CIT: variants seen among roughly 807,000 people sequenced by gnomAD.
The protein encoded by CIT is citron rho-interacting serine/threonine kinase, also known as citron Rho-interacting kinase.
CIT carries 79 observed loss-of-function variants against 272.7 expected under a neutral mutation model. The ratio of observed to expected loss-of-function variants is 0.29; its 90% CI spans 0.24 to 0.35. The LOEUF is 0.35. Ranked by LOEUF, CIT falls within the 10% of genes least tolerant of loss-of-function variation. CIT has a pLI of 1.00. For missense variants in CIT, 1,909 were observed against 2,618.3 expected, an observed-to-expected ratio of 0.73 and a Z score of 5.91; for synonymous variants, 948 against 995.6, an observed-to-expected ratio of 0.95 and a Z score of 0.90.
chr12:119,826,537 A>G (rs740032), intron 7 of CIT, among the ~76,000 whole-genome samples: 92,706 of 151,962 alleles, frequency 0.61, 28,985 homozygotes, highest in East Asian at 0.84. Flanking sequence ...CTAGTAAGCT[A>G]GCAACCCCTT....
At chr12:119,829,375 A>AGAAGAGAAGAGAAGAGAAGAGAAGG in intron 7 of CIT, among the ~76,000 whole-genome samples, 1 of 151,550 alleles carries the variant, frequency 6.6e-6, no homozygotes, top group Non-Finnish European at 1.5e-5. Flanking sequence ...AGAAGAGAAG[A>AGAAGAGAAGAGAAGAGAAGAGAAGG]GAAGAGAAGA....
At chr12:119,749,152 A>G (rs552165431) in intron 23 of CIT, among the ~76,000 whole-genome samples, 62 of 152,352 alleles carry the variant, frequency 4.1e-4, no homozygotes, top group African/African-American at 1.4e-3. Flanking sequence ...ACTGTGCTCC[A>G]TCTCATTTGG....
At chr12:119,724,127 T>C (rs2137163233) in intron 28 of CIT, among the ~76,000 whole-genome samples, 1 of 152,020 alleles carries the variant, frequency 6.6e-6, no homozygotes. Flanking sequence ...ACAAAAATAC[T>C]TGAAAAAATA....
intron 2 of CIT, among the ~76,000 whole-genome samples, chr12:119,873,102 GCCT>G: frequency 6.6e-6 from 1 of 151,752 alleles, no homozygotes; most frequent in Middle Eastern, 3.4e-3. Flanking sequence ...CTGGCCTGTT[GCCT>G]CCTATTTAAA....
chr12:119,804,586 TC>T lies in CIT; in HGVS notation c.1112-1198del. The T allele has an allele frequency of 7.3e-6, 5 of 687,058 alleles. No individual in the cohort carries two copies. The highest frequency in any genetic ancestry group is 9.0e-6 in the Non-Finnish European group (5 of 557,640). 42.6% of individuals were successfully genotyped at this position (687,058 alleles called of 1,614,324 possible). ...TTCACAGCCCAGACTTCTTTTTAAC[TC>T]CTCGTTTTCTGGACAAAGCTGGGTG... On this transcript the variant is annotated intron_variant, in intron 9 of 47. Transcript: ENST00000392521. The surrounding 1 kb of genome is among the most constrained non-coding windows in gnomAD (Gnocchi z 5.3).
intron 24 of CIT, 130 bp downstream of exon 24, chr12:119,742,281 T>C (rs766993269): frequency 4.4e-5 from 26 of 595,724 alleles, no homozygotes; most frequent in South Asian, 2.1e-4. Flanking sequence ...ATAAGGTTGA[T>C]TGCATTATCT....
intron 2 of CIT, among the ~76,000 whole-genome samples, chr12:119,870,308 T>C (rs1950630747): frequency 1.3e-5 from 2 of 152,186 alleles, no homozygotes; most frequent in East Asian, 1.9e-4. Context: ...CCCAGCACTT[T>C]GGGAGGCCAA....
chr12:119,703,662 G>A (rs570405268), intron 41 of CIT, among the ~76,000 whole-genome samples: 1 of 152,242 alleles, frequency 6.6e-6, no homozygotes, highest in South Asian at 2.1e-4. Flanking sequence ...CTGACCTCAA[G>A]TGATCCACCC....
At chr12:119,866,930 A>C (rs1183164889) in intron 3 of CIT, among the ~76,000 whole-genome samples, 1 of 152,224 alleles carries the variant, frequency 6.6e-6, no homozygotes, top group East Asian at 1.9e-4. Context: ...AATAGGCATC[A>C]CAGGCTGTAG....
chr12:119,752,419 T>G (rs564523205), intron 22 of CIT, among the ~76,000 whole-genome samples, 172 bp from the exon 23 acceptor site: 1 of 152,182 alleles, frequency 6.6e-6, no homozygotes, highest in African/African-American at 2.4e-5. Flanking sequence ...CTGAGTTCCA[T>G]GCATCTCTGA....
At chr12:119,870,549 CAAAA>C (rs57894300) in intron 2 of CIT, among the ~76,000 whole-genome samples, 1 of 52,410 alleles carries the variant, frequency 1.9e-5, no homozygotes, top group African/African-American at 6.7e-5. Context: ...GACTCCCTCT[CAAAA>C]AAAAAAAAAA....
rs1274621658 is a variant in CIT at position 119,804,725 on chromosome 12, G to A, written c.1112-1336C>T. On this transcript the variant is annotated intron_variant, in intron 9 of 47. Coordinates refer to ENST00000392521, the MANE Select transcript of CIT (RefSeq NM_001206999.2). The surrounding 1 kb of genome is among the most constrained non-coding windows in gnomAD (Gnocchi z 5.3). ...TCCAAGTGGCGCTGGGAAGTAATTG[G>A]AGCAGGAAAGGGATGTGGAGGGGAG... Among the ~76,000 whole-genome samples, 1 of 152,198 alleles carries A rather than the reference G, an allele frequency of 6.6e-6. No individual in the cohort carries two copies. The highest frequency in any genetic ancestry group is 1.5e-5 in the Non-Finnish European group (1 of 68,040).
At chr12:119,833,972 T>G (rs1406780135) in intron 6 of CIT, 114 bp downstream of exon 6, 1 of 1,125,776 alleles carries the variant, frequency 8.9e-7, no homozygotes, top group East Asian at 2.5e-5. Context: ...GGCTAAAAAC[T>G]GGATGGGGCG....
intron 37 of CIT, chr12:119,711,055 C>A: frequency 7.3e-7 from 1 of 1,367,236 alleles, no homozygotes; most frequent in South Asian, 1.1e-5. Context: ...TTACCTGAAC[C>A]CAGGCAGGCA....
rs1398623682 is a variant in CIT, at chr12:119,710,228, A to C, written c.5071+23T>G. The C allele has an allele frequency of 5.0e-6, 8 of 1,603,026 alleles. No individual in the cohort carries two copies. The highest frequency in any genetic ancestry group is 6.8e-6 in the Non-Finnish European group (8 of 1,176,776). Reference sequence around the variant, plus strand: ...TGGCTCCCTTGAAAGTAAAGAAAAAACACCATGTCCTTGGCCTCACACCTG... The same window carrying C: ...TGGCTCCCTTGAAAGTAAAGAAAAACCACCATGTCCTTGGCCTCACACCTG... On this transcript the variant is annotated intron_variant, in intron 39 of 47. Coordinates refer to ENST00000392521, the MANE Select transcript of CIT (RefSeq NM_001206999.2). This position sits in a 1 kb window ranked among gnomAD's most constrained non-coding sequence, Gnocchi z 5.6.
At chr12:119,846,239 A>T (rs946076250) in intron 5 of CIT, among the ~76,000 whole-genome samples, 7 of 152,332 alleles carry the variant, frequency 4.6e-5, no homozygotes, top group African/African-American at 1.7e-4. Context: ...GCTACTGAGC[A>T]GTAGCCTGCC....
chr12:119,792,703 A>G (rs2707735), intron 10 of CIT, among the ~76,000 whole-genome samples: 151,026 of 152,268 alleles, frequency 0.99, 74,911 homozygotes, highest in Middle Eastern at 1. Flanking sequence ...TCGGTCTCCC[A>G]ACCTCATGAT....
intron 23 of CIT, among the ~76,000 whole-genome samples, chr12:119,748,717 T>C (rs142943961): frequency 3.3e-4 from 50 of 152,370 alleles, no homozygotes; most frequent in African/African-American, 1.2e-3. Flanking sequence ...GAAGGATTCC[T>C]TTCATTAGTG....
At chr12:119,787,497 C>T (rs535320301) in intron 10 of CIT, among the ~76,000 whole-genome samples, 49 of 151,280 alleles carry the variant, frequency 3.2e-4, no homozygotes, top group African/African-American at 9.5e-4. Context: ...TTTGGGGGGC[C>T]GAGGCAAGCG....
Sources: gnomAD v4.1 joint callset for allele counts (sites outside exome capture counted in the v4.1 genomes callset) on GRCh38, gnomAD v4.1.1 for gene constraint, Gnocchi (gnomAD v3.1) non-coding constraint, MANE v1.5 for transcripts, NCBI Gene and HGNC (gene_info 2026-07-23, HGNC 2026-07-21) for gene names.